The following ABLIM1 variants were observed in gnomAD, a reference collection of about 807,000 sequenced individuals.
The protein encoded by ABLIM1 is actin-binding LIM protein 1.
A neutral mutation model predicts 107.0 loss-of-function variants in ABLIM1; 40 were observed. The observed-to-expected ratio is 0.37, with a 90% CI of 0.29 to 0.49. The LOEUF is 0.49. Ranked by LOEUF, ABLIM1 falls within the 20% of genes least tolerant of loss-of-function variation. The pLI is 0.97. For missense variants in ABLIM1, 857 were observed against 1,008.5 expected (o/e 0.85, Z 2.04); for synonymous variants, 357 against 357.3 (o/e 1.00, Z 0.01).
At position 114,683,653 on chromosome 10, in the gene ABLIM1, C is replaced by T. The variant is rs141189341; in HGVS notation, c.64+637G>A. On this transcript the variant is annotated intron_variant, in intron 1 of 23. Coordinates refer to the ABLIM1 transcript ENST00000369256. The stretch of plus-strand genomic sequence containing the variant: ...ACCCACGAGTCTACTCTCCAGGAAC[C>T]AAAATAAGTTACACTCTCTTATCTT... 5.9e-5 allele frequency among the ~76,000 whole-genome samples: 9 copies of T among 152,254 alleles called. No individual in the cohort carries two copies. The East Asian group carries it at 1.7e-3, about 29-fold the overall frequency.
chr10:114,518,401 A>G (rs769368894), intron 6 of ABLIM1, among the ~76,000 whole-genome samples: 9 of 152,022 alleles, frequency 5.9e-5, no homozygotes, highest in Non-Finnish European at 1.0e-4. Context: ...TGGGCCAGAT[A>G]GTACATATTT....
rs974808386 is a variant in ABLIM1 at position 114,558,454 on chromosome 10, G to A, written c.674-10678C>T. 1.4e-4 allele frequency among the ~76,000 whole-genome samples: 22 copies of A among 152,228 alleles called. No homozygotes were observed. The South Asian group carries it at 3.9e-3, about 27-fold the overall frequency. On this transcript the variant is annotated intron_variant, in intron 4 of 22. Transcript: ENST00000533213. Reference sequence around the variant, plus strand: ...CCGAGAACTTCTGCTAATGACGTTCGCAGGATGGCTCTGAATGGCCCCCAC... The same window carrying A: ...CCGAGAACTTCTGCTAATGACGTTCACAGGATGGCTCTGAATGGCCCCCAC...
At chr10:114,690,652 C>T in intron 1 of ABLIM1, 1 of 647,144 alleles carries the variant, frequency 1.5e-6, no homozygotes, top group South Asian at 2.0e-5. Context: ...GCTGATACTA[C>T]AGGGCTCCTG....
chr10:114,594,930 G>A (rs1316914258), intron 2 of ABLIM1: 6 of 152,164 alleles, frequency 3.9e-5, no homozygotes, highest in Non-Finnish European at 7.3e-5. Flanking sequence ...CTCTCTAGTA[G>A]GAGGTGAAGA....
chr10:114,479,372 C>T (rs1287628399), intron 8 of ABLIM1, among the ~76,000 whole-genome samples: 6 of 152,172 alleles, frequency 3.9e-5, no homozygotes, highest in East Asian at 1.9e-4. Flanking sequence ...CTACAGCTAC[C>T]GCACTTGGAC....
At chr10:114,695,045 A>G (rs2141764930) in intron 1 of ABLIM1, among the ~76,000 whole-genome samples, 1 of 152,326 alleles carries the variant, frequency 6.6e-6, no homozygotes. Context: ...AGTTAGAGGA[A>G]GCCTGCTTGA....
chr10:114,536,002 C>A (rs990927095), intron 6 of ABLIM1, among the ~76,000 whole-genome samples: 2 of 152,002 alleles, frequency 1.3e-5, no homozygotes, highest in Non-Finnish European at 2.9e-5. Flanking sequence ...TGACTATACT[C>A]ATTGAGTTGT....
chr10:114,767,061 C>T (rs188403138), intron 1 of ABLIM1, among the ~76,000 whole-genome samples: 1 of 152,274 alleles, frequency 6.6e-6, no homozygotes, highest in African/African-American at 2.4e-5. Flanking sequence ...AATTAAAACA[C>T]TCTGGATAGA....
At chr10:114,701,506 AAAC>A (rs1277020229) in intron 1 of ABLIM1, among the ~76,000 whole-genome samples, 3 of 152,198 alleles carry the variant, frequency 2.0e-5, no homozygotes, top group East Asian at 3.8e-4. Flanking sequence ...AAATAGCTAT[AAAC>A]AACAAGAATG....
At chr10:114,553,284 T>C (rs1344904167) in intron 4 of ABLIM1, among the ~76,000 whole-genome samples, 2 of 152,248 alleles carry the variant, frequency 1.3e-5, no homozygotes, top group Non-Finnish European at 2.9e-5. Context: ...TTTACAAAGG[T>C]AGTAATTTCC....
chr10:114,636,685 G>C (rs2078495578), intron 1 of ABLIM1, among the ~76,000 whole-genome samples: 1 of 152,230 alleles, frequency 6.6e-6, no homozygotes, highest in Non-Finnish European at 1.5e-5. Context: ...TCACAACTAG[G>C]TTGTAAGCTC....
At chr10:114,498,162 C>A (rs1565626946) in intron 6 of ABLIM1, among the ~76,000 whole-genome samples, 1 of 152,152 alleles carries the variant, frequency 6.6e-6, no homozygotes, top group Admixed American at 6.5e-5. Flanking sequence ...AAATATGTCA[C>A]TATTTAACAT....
chr10:114,768,506 A>C (rs899637830), upstream of ABLIM1, among the ~76,000 whole-genome samples: 3 of 152,130 alleles, frequency 2.0e-5, no homozygotes, highest in African/African-American at 7.2e-5. Flanking sequence ...AGAGAGAGAA[A>C]GCAAGAAAGG....
At position 114,634,129 on chromosome 10, in the gene ABLIM1, C is replaced by CTTTTTTTTTTTTT. The variant is rs745875295; in HGVS notation, c.244+23815_244+23827dup. Among the ~76,000 whole-genome samples the CTTTTTTTTTTTTT allele has an allele frequency of 7.5e-3, 515 of 68,262 alleles. 98 individuals carry two copies. The highest frequency in any genetic ancestry group is 0.027 in the East Asian group (47 of 1,754). 44.8% of individuals were successfully genotyped at this position (68,262 alleles called of 152,430 possible). A position where few individuals can be genotyped will look rare whatever the true frequency, so the allele number is the denominator to read the frequency against. On this transcript the variant is annotated intron_variant, in intron 1 of 22. Coordinates refer to ENST00000533213, the MANE Select transcript of ABLIM1 (RefSeq NM_002313.7). ...CGTAAATGCCATTAGCTCAATTTTT[C>CTTTTTTTTTTTTT]TTTTTTTTTTTTTTTTTTTTTGAGA...
chr10:114,491,012 G>GTGTATGTATATATA, intron 7 of ABLIM1, among the ~76,000 whole-genome samples: 1,034 of 92,388 alleles, frequency 0.011, 43 homozygotes, highest in African/African-American at 0.044. Context: ...GTGTGTGTGT[G>GTGTATGTATATATA]TATATATATA....
intron 12 of ABLIM1, among the ~76,000 whole-genome samples, chr10:114,458,049 G>A (rs1344743176): frequency 2.0e-5 from 3 of 152,000 alleles, no homozygotes; most frequent in Non-Finnish European, 4.4e-5. Context: ...CTCCAGCTGG[G>A]GCAACAAAGT....
intron 1 of ABLIM1, among the ~76,000 whole-genome samples, chr10:114,740,399 A>T (rs1265480346): frequency 1.4e-5 from 2 of 147,736 alleles, no homozygotes; most frequent in African/African-American, 4.9e-5. Flanking sequence ...CTCTTCGGGA[A>T]TTTTTTTTTT....
At chr10:114,602,087 C>A (rs1000849625) in intron 1 of ABLIM1, 126 bp from the exon 2 acceptor site, 65 of 1,232,652 alleles carry the variant, frequency 5.3e-5, no homozygotes, top group Non-Finnish European at 7.1e-5. Context: ...GTGAACAGAG[C>A]AGTCCCTCCA....
chr10:114,503,447 G>A (rs1263775629), intron 6 of ABLIM1, among the ~76,000 whole-genome samples: 10 of 147,052 alleles, frequency 6.8e-5, no homozygotes, highest in East Asian at 1.9e-4. Flanking sequence ...AGATGTCTCC[G>A]AAAAAAAAGA....
Sources: allele counts gnomAD v4.1 joint callset (sites outside exome capture counted in the v4.1 genomes callset), GRCh38; gene constraint gnomAD v4.1.1; transcripts MANE v1.5; gene names NCBI Gene and HGNC (gene_info 2026-07-23, HGNC 2026-07-21).